LACTB2: variants seen among roughly 807,000 people sequenced by gnomAD.
The protein encoded by LACTB2 is endoribonuclease LACTB2.
LACTB2 carries 32 observed loss-of-function variants against 34.8 expected under a neutral mutation model. That is an observed-to-expected ratio of 0.92 (90% CI 0.69 to 1.24). The LOEUF (loss-of-function observed/expected upper bound fraction) is 1.24. Ranked by LOEUF, LACTB2 falls within the 50% of genes most tolerant of loss-of-function variation. The probability of loss-of-function intolerance (pLI) is 0.00; values close to 1 mark genes in which losing one functional copy is unlikely to be tolerated. For missense variants in LACTB2, 320 were observed against 345.0 expected, an observed-to-expected ratio of 0.93 and a Z score of 0.57; for synonymous variants, 120 against 117.5, an observed-to-expected ratio of 1.02 and a Z score of -0.14.
At chr8:70,662,271 C>G (rs1818489072) in intron 1 of LACTB2, 1 of 157,092 alleles carries the variant, frequency 6.4e-6, no homozygotes, top group Admixed American at 6.3e-5. Context: ...GGTTACTCTA[C>G]AGATAAATGG....
intron 1 of LACTB2, among the ~76,000 whole-genome samples, chr8:70,665,530 G>A (rs1255036535): frequency 6.6e-6 from 1 of 152,146 alleles, no homozygotes; most frequent in Non-Finnish European, 1.5e-5. Flanking sequence ...GATGTTATGA[G>A]GAAAGCAGAA....
chr8:70,657,091 C>A (rs188104905), intron 3 of LACTB2, among the ~76,000 whole-genome samples: 62 of 152,196 alleles, frequency 4.1e-4, no homozygotes, highest in African/African-American at 1.2e-3. Flanking sequence ...TCAGATAGGT[C>A]ATGAGGTATG....
chr8:70,659,285 GGGA>G (rs1478341653), intron 2 of LACTB2, among the ~76,000 whole-genome samples: 1 of 152,102 alleles, frequency 6.6e-6, no homozygotes, highest in Non-Finnish European at 1.5e-5. Context: ...GCTGTGGGTA[GGGA>G]GACCAAAAGG....
intron 3 of LACTB2, among the ~76,000 whole-genome samples, chr8:70,647,139 G>A (rs1818273357): frequency 6.6e-6 from 1 of 152,016 alleles, no homozygotes; most frequent in Admixed American, 6.6e-5. Context: ...CATGTCTGAA[G>A]GAATATGGTT....
rs1456466907 is a variant in LACTB2 at position 70,641,265 on chromosome 8, T to A, written c.593-215A>T. 4.6e-5 allele frequency among the ~76,000 whole-genome samples: 7 copies of A among 152,288 alleles called. No individual in the cohort carries two copies. The East Asian group carries it at 1.3e-3, about 29-fold the overall frequency. ...TTAGAAAATTATAGCAAATACAATC[T>A]ATAGAAAATATTGTGTACATTAAAA... is the stretch of plus-strand genomic sequence containing the variant. On this transcript the variant is annotated intron_variant, in intron 4 of 6. Transcript: ENST00000276590.
intron 3 of LACTB2, among the ~76,000 whole-genome samples, chr8:70,651,633 C>T (rs1276483494): frequency 6.6e-6 from 1 of 151,934 alleles, no homozygotes; most frequent in Non-Finnish European, 1.5e-5. Context: ...CCCTACCACA[C>T]CAGAACTCAG....
chr8:70,648,543 A>G (rs1818295058), intron 3 of LACTB2, among the ~76,000 whole-genome samples: 1 of 152,166 alleles, frequency 6.6e-6, no homozygotes, highest in East Asian at 1.9e-4. Context: ...CCCAGAAAGT[A>G]TAGTAAAAAG....
intron 1 of LACTB2, among the ~76,000 whole-genome samples, chr8:70,668,476 T>C (rs1433776673): frequency 2.0e-5 from 3 of 152,232 alleles, no homozygotes; most frequent in East Asian, 1.9e-4. Context: ...AAATTACTTA[T>C]GTCAGCTCCT....
intron 3 of LACTB2, among the ~76,000 whole-genome samples, chr8:70,649,871 T>C (rs1303811833): frequency 6.6e-6 from 1 of 152,244 alleles, no homozygotes; most frequent in African/African-American, 2.4e-5. Flanking sequence ...TGTGTCTCTC[T>C]TCCTTGAGAC....
intron 2 of LACTB2, chr8:70,661,341 C>T: frequency 3.5e-6 from 1 of 281,748 alleles, no homozygotes; most frequent in Non-Finnish European, 7.0e-6. Flanking sequence ...TGAATTTCAG[C>T]ATATCTTAGT....
intron 6 of LACTB2, 116 bp from the exon 7 acceptor site, chr8:70,638,019 A>G (rs886185275): frequency 1.1e-5 from 6 of 534,642 alleles, no homozygotes; most frequent in African/African-American, 9.9e-5. Context: ...TTGTTGCTCA[A>G]TATAAAGTTG....
intron 1 of LACTB2, among the ~76,000 whole-genome samples, chr8:70,668,730 T>C (rs1200594339): frequency 6.7e-6 from 1 of 150,270 alleles, no homozygotes; most frequent in Non-Finnish European, 1.5e-5. Context: ...GAACAGTAAA[T>C]CGGGTTTCAA....
rs1022709893 is a variant in LACTB2, at chr8:70,657,681, G to A, written c.413+75C>T. The A allele has an allele frequency of 1.2e-5, 17 of 1,371,436 alleles. 1 individual carries two copies. In the South Asian group the frequency reaches 2.6e-4, roughly 21 times the overall value. 85.0% of individuals were successfully genotyped at this position (1,371,436 alleles called of 1,614,324 possible). A position where few individuals can be genotyped will look rare whatever the true frequency, so the allele number is the denominator to read the frequency against. On this transcript the variant is annotated intron_variant, in intron 3 of 6. Transcript: ENST00000276590. ...TCCCATCTCAGCCTCCCAAAATGCT[G>A]GGATCCTTCCATCCTTTTCTATAAC...
chr8:70,642,032 G>A (rs1818204736), intron 4 of LACTB2, among the ~76,000 whole-genome samples: 1 of 152,074 alleles, frequency 6.6e-6, no homozygotes, highest in African/African-American at 2.4e-5. Flanking sequence ...AAAACCTGAT[G>A]GCTAGAAGAC....
At chr8:70,657,067 C>T (rs1818420089) in intron 3 of LACTB2, among the ~76,000 whole-genome samples, 1 of 151,982 alleles carries the variant, frequency 6.6e-6, no homozygotes, top group East Asian at 1.9e-4. Context: ...GTTTGAAATA[C>T]CATTTTGAAA....
In LACTB2 at chr8:70,657,749, T is replaced by G. The variant is rs1440728326; in HGVS notation, c.413+7A>C. 6.2e-7 allele frequency: 1 copy of G among 1,607,584 alleles called. No individual in the cohort carries two copies. Among genetic ancestry groups the G allele is most frequent in the South Asian group, 1.1e-5 (1 of 90,106 alleles). On this transcript the variant is annotated splice_region_variant and intron_variant, in intron 3 of 6. Transcript: ENST00000276590. ...TCACCTTCCCTGGCTAAGGGACATTTACTTACCTTAGAGTGGCTCCCTCAG... is the reference window on the plus strand; with the variant it reads ...TCACCTTCCCTGGCTAAGGGACATTGACTTACCTTAGAGTGGCTCCCTCAG...
chr8:70,641,190 A>G (rs909511367), intron 4 of LACTB2, 140 bp from the exon 5 acceptor site: 7 of 787,022 alleles, frequency 8.9e-6, no homozygotes, highest in Non-Finnish European at 1.3e-5. Flanking sequence ...AACTATTTGG[A>G]AAGCTATACA....
chr8:70,643,866 C>T lies in LACTB2; in HGVS notation c.592+199G>A, dbSNP rs550277584. On this transcript the variant is annotated intron_variant, in intron 4 of 6. Coordinates refer to ENST00000276590, the MANE Select transcript of LACTB2 (RefSeq NM_016027.3). Reference sequence around the variant, plus strand: ...CATACAGAGACAAGCCAAAATGAACCTTCCTCATCATTTGACACAAATGGT... The same window carrying T: ...CATACAGAGACAAGCCAAAATGAACTTTCCTCATCATTTGACACAAATGGT... Among the ~76,000 whole-genome samples the T allele has an allele frequency of 2.0e-5, 3 of 152,068 alleles. No individual in the cohort carries two copies. The East Asian group carries it at 5.8e-4, about 29-fold the overall frequency.
chr8:70,660,131 T>C (rs1818463781), intron 2 of LACTB2: 1 of 152,186 alleles, frequency 6.6e-6, no homozygotes, highest in Non-Finnish European at 1.5e-5. Flanking sequence ...TTTCTTTTTT[T>C]TTCCCGCAAA....
Sources: allele counts gnomAD v4.1 joint callset (sites outside exome capture counted in the v4.1 genomes callset), GRCh38; gene constraint gnomAD v4.1.1; transcripts MANE v1.5; gene names NCBI Gene and HGNC (gene_info 2026-07-23, HGNC 2026-07-21).